Variants in RIMS2 observed in about 807,000 individuals in gnomAD.
RIMS2 encodes regulating synaptic membrane exocytosis 2.
A neutral mutation model predicts 174.4 loss-of-function variants in RIMS2; 59 were observed. The ratio of observed to expected loss-of-function variants is 0.34; its 90% CI spans 0.27 to 0.42. The LOEUF (loss-of-function observed/expected upper bound fraction) is 0.42, where lower values mean the gene tolerates loss of function less well. Ranked by LOEUF, RIMS2 falls within the 10% of genes least tolerant of loss-of-function variation. The pLI is 1.00. For synonymous variants in RIMS2, 606 were observed against 572.5 expected (o/e 1.06, Z -0.84); for missense variants, 1,620 against 1,666.3 (o/e 0.97, Z 0.48).
intron 19 of RIMS2, among the ~76,000 whole-genome samples, chr8:104,193,697 T>C (rs1233268206): frequency 2.6e-5 from 4 of 152,206 alleles, no homozygotes; most frequent in African/African-American, 9.6e-5. Context: ...TGATAGCAAT[T>C]AGTGATATCT....
At chr8:103,511,076 T>C (rs571651867) in intron 1 of RIMS2, among the ~76,000 whole-genome samples, 64 of 152,308 alleles carry the variant, frequency 4.2e-4, no homozygotes, top group Non-Finnish European at 7.4e-4. Context: ...TAATACTATA[T>C]TGCCTTCAAA....
chr8:103,623,998 A>G (rs1350417686), intron 1 of RIMS2, among the ~76,000 whole-genome samples: 2 of 152,178 alleles, frequency 1.3e-5, no homozygotes, highest in African/African-American at 4.8e-5. Flanking sequence ...AGACTAAGTT[A>G]ATGTTAATTG....
At chr8:103,819,347 A>G (rs750096099) in intron 3 of RIMS2, 9 of 1,498,796 alleles carry the variant, frequency 6.0e-6, no homozygotes, top group Non-Finnish European at 7.9e-6. Flanking sequence ...TGACTGTACA[A>G]TTAACTATCA....
At chr8:104,012,109 C>T (rs62527146) in intron 17 of RIMS2, among the ~76,000 whole-genome samples, 97,650 of 151,546 alleles carry the variant, frequency 0.64, 32,246 homozygotes, top group Non-Finnish European at 0.7. Flanking sequence ...TGACATGTTC[C>T]TGAGGCACTT....
At chr8:103,963,606 T>C (rs564931866) in intron 15 of RIMS2, among the ~76,000 whole-genome samples, 199 of 152,284 alleles carry the variant, frequency 1.3e-3, no homozygotes, top group Non-Finnish European at 2.2e-3. Flanking sequence ...ATTTCCCATA[T>C]GTCTTCCTAC....
At chr8:104,089,581 G>A (rs1465052813) in intron 19 of RIMS2, among the ~76,000 whole-genome samples, 3 of 151,620 alleles carry the variant, frequency 2.0e-5, no homozygotes, top group Non-Finnish European at 4.4e-5. Flanking sequence ...ATTTTTAAAA[G>A]CATATGTCTA....
At chr8:104,094,255 G>T (rs1051163520) in intron 19 of RIMS2, among the ~76,000 whole-genome samples, 1 of 151,772 alleles carries the variant, frequency 6.6e-6, no homozygotes, top group Non-Finnish European at 1.5e-5. Flanking sequence ...ATGTAATTTT[G>T]TAAAAGGAAA....
At chr8:104,156,701 TAG>T (rs1369353386) in intron 19 of RIMS2, among the ~76,000 whole-genome samples, 1 of 152,216 alleles carries the variant, frequency 6.6e-6, no homozygotes, top group Admixed American at 6.5e-5. Context: ...GTGAGATTTT[TAG>T]AGATTTATAA....
chr8:103,706,441 A>T (rs1055015430), intron 2 of RIMS2, among the ~76,000 whole-genome samples: 2 of 151,574 alleles, frequency 1.3e-5, no homozygotes, highest in African/African-American at 4.8e-5. Context: ...CTTTTTTTTA[A>T]AAAAAAATTG....
At chr8:103,886,492 A>C (rs1661439231) in intron 4 of RIMS2, among the ~76,000 whole-genome samples, 1 of 151,892 alleles carries the variant, frequency 6.6e-6, no homozygotes, top group African/African-American at 2.4e-5. Flanking sequence ...ATTTGACAGC[A>C]TATTTCAAAA....
chr8:104,148,969 G>A, intron 19 of RIMS2, 121 bp downstream of exon 25: 1 of 1,048,636 alleles, frequency 9.5e-7, no homozygotes, highest in East Asian at 2.4e-5. Context: ...AGAGGGAAAG[G>A]GCATTTTAAA....
chr8:104,087,094 G>A (rs2097549227), intron 19 of RIMS2, among the ~76,000 whole-genome samples: 1 of 152,044 alleles, frequency 6.6e-6, no homozygotes, highest in Non-Finnish European at 1.5e-5. Context: ...CACAGAGAAT[G>A]AAATAATTAG....
chr8:104,200,685 T>C (rs2136984263), intron 19 of RIMS2, among the ~76,000 whole-genome samples: 1 of 152,194 alleles, frequency 6.6e-6, no homozygotes, highest in East Asian at 1.9e-4. Flanking sequence ...GGCGGGTGGA[T>C]CACTTAAGCC....
chr8:104,071,642 T>A (rs560962727), intron 19 of RIMS2, among the ~76,000 whole-genome samples: 16 of 152,134 alleles, frequency 1.1e-4, no homozygotes, highest in Non-Finnish European at 1.6e-4. Context: ...TTCACCGTGT[T>A]AGCCAGGATG....
At chr8:103,762,750 A>T (rs554077971) in intron 2 of RIMS2, among the ~76,000 whole-genome samples, 2 of 152,280 alleles carry the variant, frequency 1.3e-5, no homozygotes, top group South Asian at 4.1e-4. Context: ...TGTCATGCTA[A>T]CATCATGGAG....
intron 19 of RIMS2, among the ~76,000 whole-genome samples, chr8:104,117,272 G>A (rs2098293523): frequency 1.3e-5 from 2 of 152,046 alleles, no homozygotes; most frequent in South Asian, 4.2e-4. Flanking sequence ...GTGTATTTTA[G>A]CATGTACTTC....
chr8:104,106,519 ATTAAC>A (rs1458351870), intron 19 of RIMS2, among the ~76,000 whole-genome samples: 6 of 152,272 alleles, frequency 3.9e-5, no homozygotes, highest in African/African-American at 1.4e-4. Context: ...TATTATTTCT[ATTAAC>A]TTGTCTGCTA....
intron 2 of RIMS2, among the ~76,000 whole-genome samples, chr8:103,747,220 C>G (rs1341762957): frequency 1.3e-5 from 2 of 150,050 alleles, no homozygotes; most frequent in Non-Finnish European, 3.0e-5. Flanking sequence ...TTAGGTATAT[C>G]TCCCAATGCT....
chr8:103,792,141 C>G (rs1174417139), intron 3 of RIMS2, among the ~76,000 whole-genome samples: 1 of 152,130 alleles, frequency 6.6e-6, no homozygotes, highest in African/African-American at 2.4e-5. Context: ...CCACATCGCA[C>G]TTATTCTAAA....
Sources: gnomAD v4.1 joint callset for allele counts (sites outside exome capture counted in the v4.1 genomes callset) on GRCh38, gnomAD v4.1.1 for gene constraint, MANE v1.5 for transcripts, NCBI Gene and HGNC (gene_info 2026-07-23, HGNC 2026-07-21) for gene names.